The following PLAC8L1 variants were observed in gnomAD, a reference collection of about 807,000 sequenced individuals.
PLAC8L1 encodes the protein PLAC8-like protein 1.
PLAC8L1 carries 13 observed loss-of-function variants against 16.3 expected under a neutral mutation model. That is an observed-to-expected ratio of 0.80 (90% CI 0.52 to 1.27). The LOEUF is 1.27. PLAC8L1 is among the 50% of genes most tolerant of loss of function. The pLI, the probability that PLAC8L1 is intolerant of heterozygous loss-of-function variation, is 0.00. For missense variants in PLAC8L1, 184 were observed against 220.2 expected (o/e 0.84, Z 1.04); for synonymous variants, 78 against 79.3 (o/e 0.98, Z 0.09).
chr5:146,093,452 C>T (rs939202678), intron 2 of PLAC8L1, among the ~76,000 whole-genome samples: 1 of 152,156 alleles, frequency 6.6e-6, no homozygotes, highest in Non-Finnish European at 1.5e-5. Flanking sequence ...TCGAGGCTGT[C>T]GGGTCTTTGC....
intron 2 of PLAC8L1, among the ~76,000 whole-genome samples, chr5:146,093,884 C>T (rs569817245): frequency 1.3e-5 from 2 of 152,290 alleles, no homozygotes; most frequent in Admixed American, 6.5e-5. Context: ...TTACAATGCT[C>T]GCTACAGGGA....
rs777528950 is a variant in PLAC8L1, at chr5:146,085,483, G to A, written c.371C>T (p.Thr124Ile). The change falls in exon 3 of 4, where the codon ACC (threonine) becomes ATC (isoleucine). Residue 124 changes from threonine to isoleucine, a missense_variant. Transcript: ENST00000311450. ...PGSTFALRIGTRERHKIQGTL... is the reference protein window; with the variant it reads ...PGSTFALRIGIRERHKIQGTL... ...TACCTGTATTTTATGTCTCTCCCTG[G>A]TGCCAATTCTCAGTGCAAAGGTGGA... 47 of 1,613,788 alleles carry A rather than the reference G, an allele frequency of 2.9e-5. No homozygotes were observed. The South Asian group carries it at 5.1e-4, about 17-fold the overall frequency.
At chr5:146,095,501 GA>G (rs1459260250) in intron 2 of PLAC8L1, among the ~76,000 whole-genome samples, 1 of 152,176 alleles carries the variant, frequency 6.6e-6, no homozygotes, top group Non-Finnish European at 1.5e-5. Flanking sequence ...GGATTATGTA[GA>G]AATCATTCTG....
At chr5:146,103,691 C>T (rs1763860506) in intron 1 of PLAC8L1, 1 of 985,192 alleles carries the variant, frequency 1.0e-6, no homozygotes, top group South Asian at 4.7e-5. Context: ...CATACTTTTC[C>T]CTCTTTTTGA....
intron 1 of PLAC8L1, among the ~76,000 whole-genome samples, chr5:146,103,080 C>T (rs1763847938): frequency 6.6e-6 from 1 of 152,302 alleles, no homozygotes; most frequent in African/African-American, 2.4e-5. Context: ...TGGCCAGGCA[C>T]GGTGATGCAC....
At chr5:146,093,477 A>C (rs554632191) in intron 2 of PLAC8L1, among the ~76,000 whole-genome samples, 1 of 152,326 alleles carries the variant, frequency 6.6e-6, no homozygotes, top group South Asian at 2.1e-4. Flanking sequence ...CACGTTGCAG[A>C]GGGGATTTAC....
rs572608632 is a variant in PLAC8L1 at position 146,097,241 on chromosome 5, A to G, written c.256+915T>C. On this transcript the variant is annotated intron_variant, in intron 2 of 3. Transcript: ENST00000311450. ...TAAAAATAGAATCAATGAGCTTTGAACTCTAAGCCCAGGGGGGAATCATGT... is the reference window on the plus strand; with the variant it reads ...TAAAAATAGAATCAATGAGCTTTGAGCTCTAAGCCCAGGGGGGAATCATGT... Among the ~76,000 whole-genome samples the G allele has an allele frequency of 1.3e-3, 196 of 152,250 alleles. 1 individual carries two copies. The highest frequency in any genetic ancestry group is 5.1e-3 in the Admixed American group (78 of 15,302).
chr5:146,090,399 G>A (rs989223079), intron 2 of PLAC8L1, among the ~76,000 whole-genome samples: 6 of 151,440 alleles, frequency 4.0e-5, no homozygotes, highest in African/African-American at 1.5e-4. Context: ...CCAGGTGGTA[G>A]TGGCGTGTGC....
chr5:146,103,929 A>G, intron 1 of PLAC8L1: 1 of 985,456 alleles, frequency 1.0e-6, no homozygotes, highest in Non-Finnish European at 1.2e-6. Context: ...GTCTCTAAAA[A>G]TAAAGTTCCA....
chr5:146,097,520 C>A (rs779967201), intron 2 of PLAC8L1, among the ~76,000 whole-genome samples: 4 of 152,106 alleles, frequency 2.6e-5, no homozygotes, highest in Admixed American at 2.6e-4. Flanking sequence ...AAATGTTTTC[C>A]TCTCTCCAAA....
At chr5:146,102,820 C>G (rs1763842461) in intron 1 of PLAC8L1, among the ~76,000 whole-genome samples, 1 of 152,176 alleles carries the variant, frequency 6.6e-6, no homozygotes, top group Non-Finnish European at 1.5e-5. Context: ...GCCTCCTCCT[C>G]CATAAAATTG....
In PLAC8L1 at chr5:146,104,195, C is replaced by T. The variant is rs770398264; in HGVS notation, c.117G>A (p.Leu39=). 6.2e-7 allele frequency: 1 copy of T among 1,613,370 alleles called. No individual in the cohort carries two copies. Among genetic ancestry groups the T allele is most frequent in the Admixed American group, 1.7e-5 (1 of 59,992 alleles). ...GAAAAACTCACCCTATTCCCTACCT[C>T]AAGTTGGAAATAAAATGTTCATCTT... is the stretch of plus-strand genomic sequence containing the variant. ...SSEDEHFISN[L]RGHVPASAVV... Residue 39 remains leucine (L), a splice_region_variant and synonymous_variant, in exon 1 of 4, where the codon TTG becomes TTA. Transcript: ENST00000311450.
chr5:146,089,876 A>C (rs1402117805), intron 2 of PLAC8L1, among the ~76,000 whole-genome samples: 1 of 151,666 alleles, frequency 6.6e-6, no homozygotes, highest in Non-Finnish European at 1.5e-5. Context: ...GTAGCTGGGA[A>C]TACATGTGCC....
chr5:146,094,121 C>T (rs554238708), intron 2 of PLAC8L1, among the ~76,000 whole-genome samples: 4 of 152,222 alleles, frequency 2.6e-5, no homozygotes, highest in African/African-American at 7.2e-5. Flanking sequence ...TTCACTCTGT[C>T]GCCCAGGCTG....
rs1309006977 is a variant in PLAC8L1 at position 146,084,381 on chromosome 5, G to A, written c.*51C>T. The A allele has an allele frequency of 3.2e-6, 5 of 1,580,460 alleles. No individual in the cohort carries two copies. The highest frequency in any genetic ancestry group is 2.3e-5 in the East Asian group (1 of 44,100). ...TAGGAAAAAGCAATTGTTCCACTGA[G>A]AGGTTTGAGAGGAGGGTGTTGGGGA... On this transcript the variant is annotated 3_prime_UTR_variant, in exon 4 of 4. Transcript: ENST00000311450.
At chr5:146,089,473 A>G (rs1763574637) in intron 2 of PLAC8L1, among the ~76,000 whole-genome samples, 1 of 152,152 alleles carries the variant, frequency 6.6e-6, no homozygotes, top group Non-Finnish European at 1.5e-5. Flanking sequence ...TCCCCATTTT[A>G]CAGATGAGGA....
rs531061582 is a variant in PLAC8L1, at chr5:146,103,062, C to G, written c.119+1131G>C. On this transcript the variant is annotated intron_variant, in intron 1 of 3. Coordinates refer to ENST00000311450, the MANE Select transcript of PLAC8L1 (RefSeq NM_001029869.3). ...CTACCCAAATGCCTTAAAATTCAGT[C>G]AGAGTGATGGCCAGGCACGGTGATG... Among the ~76,000 whole-genome samples the G allele has an allele frequency of 2.4e-4, 36 of 152,324 alleles. No homozygotes were observed. The South Asian group carries it at 5.6e-3, about 24-fold the overall frequency.
At chr5:146,100,900 G>GT (rs1763805134) in intron 1 of PLAC8L1, among the ~76,000 whole-genome samples, 1 of 152,118 alleles carries the variant, frequency 6.6e-6, no homozygotes, top group African/African-American at 2.4e-5. Flanking sequence ...TCCTGATTCA[G>GT]TAAGTTTGGT....
Position 146,105,324 on chromosome 5 carries a change from C to G in PLAC8L1, c.-1013G>C, listed in dbSNP as rs1763891386. Among the ~76,000 whole-genome samples the G allele has an allele frequency of 6.6e-6, 1 of 152,088 alleles. No individual in the cohort carries two copies. The highest frequency in any genetic ancestry group is 2.1e-4 in the South Asian group (1 of 4,818). ...GAAAAGCCTATAATACCTTCCAAAT[C>G]AAGATTCCTCAGACATAGCTTCATA... is the stretch of plus-strand genomic sequence containing the variant. On this transcript the variant is annotated 5_prime_UTR_variant, in exon 1 of 4. An upstream open reading frame in the 5' UTR loses its in-frame stop. Transcript: ENST00000311450.
Sources: gnomAD v4.1 joint callset for allele counts (sites outside exome capture counted in the v4.1 genomes callset) on GRCh38, gnomAD v4.1.1 for gene constraint, MANE v1.5 for transcripts, NCBI Gene and HGNC (gene_info 2026-07-23, HGNC 2026-07-21) for gene names.